Variants in FHOD3 observed in about 807,000 individuals in gnomAD.
FHOD3 encodes the protein formin homology 2 domain containing 3.
In FHOD3, 90 loss-of-function variants were observed where a neutral mutation model predicts 173.0. The ratio of observed to expected loss-of-function variants is 0.52; its 90% CI spans 0.44 to 0.62. The LOEUF (loss-of-function observed/expected upper bound fraction) is 0.62. Ranked by LOEUF, FHOD3 falls within the 20% of genes least tolerant of loss-of-function variation. The probability of loss-of-function intolerance (pLI) is 0.00; values close to 1 mark genes in which losing one functional copy is unlikely to be tolerated. For synonymous variants in FHOD3, 828 were observed against 823.0 expected (o/e 1.01, Z -0.10); for missense variants, 1,945 against 2,034.7 (o/e 0.96, Z 0.85).
At chr18:36,340,700 G>A (rs1244619317) in intron 1 of FHOD3, among the ~76,000 whole-genome samples, 1 of 150,066 alleles carries the variant, frequency 6.7e-6, no homozygotes, top group South Asian at 2.1e-4. Flanking sequence ...GCAGTGTCAC[G>A]ATCTCGGCTC....
chr18:36,414,320 T>G (rs1003474223), intron 3 of FHOD3, among the ~76,000 whole-genome samples: 6 of 152,248 alleles, frequency 3.9e-5, no homozygotes, highest in African/African-American at 7.2e-5. Flanking sequence ...ATAAAAGTCC[T>G]ATTAAAAGTT....
chr18:36,759,669 A>G (rs1384459218), intron 26 of FHOD3, among the ~76,000 whole-genome samples: 1 of 152,198 alleles, frequency 6.6e-6, no homozygotes, highest in Admixed American at 6.5e-5. Flanking sequence ...GCTCTTCCCT[A>G]GACCCTGGAT....
rs1007166003 is a variant in FHOD3 at position 36,470,168 on chromosome 18, C to T, written c.338-31764C>T. 2.6e-5 allele frequency among the ~76,000 whole-genome samples: 4 copies of T among 152,186 alleles called. No homozygotes were observed. The East Asian group carries it at 7.7e-4, about 29-fold the overall frequency. On this transcript the variant is annotated intron_variant, in intron 3 of 28. Transcript: ENST00000590592. ...TCCTAGGAACGTGGCAGTTAGCATA[C>T]CCTTGTGAAGTCTGGAGGCCTCCGG...
intron 28 of FHOD3, among the ~76,000 whole-genome samples, chr18:36,770,162 G>A (rs2043315347): frequency 6.6e-6 from 1 of 152,204 alleles, no homozygotes; most frequent in Admixed American, 6.5e-5. Context: ...GGCCTTGAGT[G>A]TTTCAGAAGA....
At chr18:36,411,027 C>T (rs1307242592) in intron 3 of FHOD3, among the ~76,000 whole-genome samples, 1 of 152,078 alleles carries the variant, frequency 6.6e-6, no homozygotes, top group Non-Finnish European at 1.5e-5. Context: ...ATCTAATTTA[C>T]CCAGTTTTTT....
chr18:36,341,388 A>G (rs984575004), intron 1 of FHOD3, among the ~76,000 whole-genome samples: 2 of 152,198 alleles, frequency 1.3e-5, no homozygotes, highest in Non-Finnish European at 2.9e-5. Flanking sequence ...GCTCTGGAGA[A>G]CTACCAAGGT....
At chr18:36,606,068 A>T (rs1297006968) in intron 8 of FHOD3, among the ~76,000 whole-genome samples, 1 of 152,202 alleles carries the variant, frequency 6.6e-6, no homozygotes, top group Non-Finnish European at 1.5e-5. Flanking sequence ...GTTCAGGGAA[A>T]GCAGGACCCC....
chr18:36,651,750 CA>C (rs34364328), intron 11 of FHOD3, among the ~76,000 whole-genome samples: 3,620 of 140,994 alleles, frequency 0.026, 131 homozygotes, highest in African/African-American at 0.079. Flanking sequence ...AAACTCTGCT[CA>C]AAAAAAAAAA....
chr18:36,591,946 C>T (rs576569557), intron 6 of FHOD3, among the ~76,000 whole-genome samples: 48 of 150,654 alleles, frequency 3.2e-4, no homozygotes, highest in African/African-American at 1.0e-3. Context: ...TGGCTGGGCA[C>T]GATGGCTCAT....
Position 36,652,705 on chromosome 18 carries a change from G to A in FHOD3, c.1422G>A (p.Trp474Ter). 6.5e-7 allele frequency: 1 copy of A among 1,535,744 alleles called. No individual in the cohort carries two copies. Among genetic ancestry groups the A allele is most frequent in the Non-Finnish European group, 8.7e-7 (1 of 1,146,674 alleles). The change falls in exon 12 of 29, where the codon TGG (tryptophan) becomes TGA (stop). Residue 474 changes from tryptophan to a stop codon, truncating the protein, a stop_gained. Transcript: ENST00000590592. LOFTEE classifies it high-confidence loss of function. The part of the protein sequence containing the change: ...LLVGTAGGTT[W>*]HSGSSGSEAT... ...TTGGCACTGCAGGCGGGACCACCTGGCACAGTGGGTCCTCTGGGTCTGAGG... is the reference window on the plus strand; with the variant it reads ...TTGGCACTGCAGGCGGGACCACCTGACACAGTGGGTCCTCTGGGTCTGAGG...
intron 5 of FHOD3, among the ~76,000 whole-genome samples, chr18:36,572,227 C>T (rs2058477692): frequency 6.6e-6 from 1 of 152,186 alleles, no homozygotes; most frequent in South Asian, 2.1e-4. Context: ...GTGCCATCTA[C>T]CTCTGTGTTC....
At chr18:36,407,566 G>T (rs2146808475) in intron 3 of FHOD3, among the ~76,000 whole-genome samples, 1 of 152,296 alleles carries the variant, frequency 6.6e-6, no homozygotes, top group South Asian at 2.1e-4. Flanking sequence ...GGTTCAAAAA[G>T]GTTCCCAGAT....
intron 17 of FHOD3, among the ~76,000 whole-genome samples, chr18:36,705,977 GT>G (rs2039856203): frequency 1.3e-5 from 2 of 151,370 alleles, no homozygotes; most frequent in Non-Finnish European, 3.0e-5. Flanking sequence ...GTGTGTGTGT[GT>G]GTGTGTGTGT....
chr18:36,646,241 A>G (rs544802583), intron 10 of FHOD3, among the ~76,000 whole-genome samples: 1 of 148,004 alleles, frequency 6.8e-6, no homozygotes, highest in South Asian at 2.2e-4. Context: ...GTTTATTTCT[A>G]TATACTATCA....
Position 36,658,083 on chromosome 18 carries a change from AT to A in FHOD3, c.1734del (p.Phe578LeufsTer71). On this transcript the variant is annotated frameshift_variant, in exon 14 of 29. Coordinates refer to ENST00000590592, the MANE Select transcript of FHOD3 (RefSeq NM_001281740.3). LOFTEE classifies it high-confidence loss of function. ...ACCTCTGCACTTCTTAGATACAGCA[AT>A]TTTGGCAATAACTCTTATCACTCCT... ...FRSFSSNRYS[N>X]FGNNSYHSSR... is the part of the protein sequence containing the mutation. 1 of 1,607,542 alleles carries A rather than the reference AT, an allele frequency of 6.2e-7. No homozygotes were observed. The highest frequency in any genetic ancestry group is 8.5e-7 in the Non-Finnish European group (1 of 1,177,138).
chr18:36,333,085 G>A (rs1249759909), intron 1 of FHOD3, among the ~76,000 whole-genome samples: 9 of 152,172 alleles, frequency 5.9e-5, no homozygotes, highest in Non-Finnish European at 1.3e-4. Flanking sequence ...TTAGCCAATG[G>A]CAGCCTCAAA....
At chr18:36,673,304 C>T (rs1265349316) in intron 14 of FHOD3, among the ~76,000 whole-genome samples, 1 of 152,170 alleles carries the variant, frequency 6.6e-6, no homozygotes, top group Non-Finnish European at 1.5e-5. Context: ...CATTAAAAAA[C>T]CCCATTGTGT....
intron 28 of FHOD3, among the ~76,000 whole-genome samples, chr18:36,775,158 C>T (rs1267368363): frequency 6.6e-6 from 1 of 152,178 alleles, no homozygotes; most frequent in Non-Finnish European, 1.5e-5. Flanking sequence ...AACTAGACTC[C>T]TAGACACATT....
chr18:36,327,992 C>A (rs750877155), intron 1 of FHOD3, among the ~76,000 whole-genome samples: 1 of 152,204 alleles, frequency 6.6e-6, no homozygotes, highest in Non-Finnish European at 1.5e-5. Context: ...CAAGCCCCCC[C>A]ACAACCTTAG....
Sources: gnomAD v4.1 joint callset for allele counts (sites outside exome capture counted in the v4.1 genomes callset) on GRCh38, gnomAD v4.1.1 for gene constraint, MANE v1.5 for transcripts, NCBI Gene and HGNC (gene_info 2026-07-23, HGNC 2026-07-21) for gene names.